Variants in ADPRHL1 observed in about 807,000 individuals in gnomAD.
ADPRHL1 encodes ADP-ribosylhydrolase like 1.
A neutral mutation model predicts 44.1 loss-of-function variants in ADPRHL1; 43 were observed. The observed-to-expected ratio is 0.98, with a 90% CI of 0.76 to 1.26. The LOEUF is 1.26. Ranked by LOEUF, ADPRHL1 falls within the 50% of genes most tolerant of loss-of-function variation. The pLI, the probability that ADPRHL1 is intolerant of heterozygous loss-of-function variation, is 0.00. For synonymous variants in ADPRHL1, 878 were observed against 1,017.4 expected (o/e 0.86, Z 2.61); for missense variants, 2,022 against 2,496.9 (o/e 0.81, Z 4.05).
Position 113,403,497 on chromosome 13 carries a change from C to T in ADPRHL1, c.5785G>A (p.Gly1929Arg), listed in dbSNP as rs1031507090. Residue 1929 changes from glycine to arginine, a missense_variant, in exon 8 of 8, where the codon GGG becomes AGG. Transcript: ENST00000612156. ...RMEASEPERRGRSRHLAKYKA... is the reference protein window; with the variant it reads ...RMEASEPERRRRSRHLAKYKA... The stretch of plus-strand genomic sequence containing the variant: ...TACTTGGCCAGGTGCCTGGACCTCC[C>T]GCGACGCTCGGGCTCCGATGCCTCC... 1.1e-4 allele frequency: 130 copies of T among 1,231,940 alleles called. No homozygotes were observed. Among genetic ancestry groups the T allele is most frequent in the Non-Finnish European group, 1.2e-4 (120 of 988,038 alleles). The allele number at this position is 1,231,940 out of a possible 1,614,324, so 76.3% of individuals were successfully genotyped here. A position where few individuals can be genotyped will look rare whatever the true frequency, so the allele number is the denominator to read the frequency against.
chr13:113,437,887 A>G (rs2139641544), intron 2 of ADPRHL1, among the ~76,000 whole-genome samples: 1 of 152,322 alleles, frequency 6.6e-6, no homozygotes, highest in Middle Eastern at 3.4e-3. Flanking sequence ...GCTGGAGTGC[A>G]GCAGCCTAAT....
chr13:113,410,695 C>T (rs960017879), intron 7 of ADPRHL1, among the ~76,000 whole-genome samples: 1 of 139,290 alleles, frequency 7.2e-6, no homozygotes, highest in Non-Finnish European at 1.5e-5. Flanking sequence ...CCAGAGGCCG[C>T]CCACACCCCC....
At chr13:113,446,269 G>A (rs1213677921) in intron 1 of ADPRHL1, among the ~76,000 whole-genome samples, 3 of 150,616 alleles carry the variant, frequency 2.0e-5, no homozygotes. Context: ...AGAGTGCACA[G>A]GGCCCAGTGG....
At chr13:113,448,900 G>C in intron 1 of ADPRHL1, 1 of 972,862 alleles carries the variant, frequency 1.0e-6, no homozygotes, top group East Asian at 1.1e-4. Flanking sequence ...TTCCCAGGGA[G>C]TGGGGGTAGG....
At chr13:113,440,743 C>G (rs114674543) in intron 2 of ADPRHL1, among the ~76,000 whole-genome samples, 6,472 of 152,254 alleles carry the variant, frequency 0.043, 267 homozygotes, top group East Asian at 0.17. Context: ...GTGTGAGCCA[C>G]TGCACCTGGT....
At chr13:113,410,108 C>T (rs190117063) in intron 7 of ADPRHL1, 39 of 985,352 alleles carry the variant, frequency 4.0e-5, no homozygotes, top group Non-Finnish European at 3.1e-5. Context: ...GCCGTGTTGC[C>T]GTGGGCACGC....
In ADPRHL1 at chr13:113,440,099, TTTTC is replaced by T. The variant is rs200747945; in HGVS notation, c.379+4322_379+4325del. On this transcript the variant is annotated intron_variant, in intron 2 of 7. Transcript: ENST00000612156. ...TTGATTTTCATGCTGATCTTCACTA[TTTTC>T]TTTCTTCTGCTTTCTTTTGGCTTAG... Among the ~76,000 whole-genome samples the T allele has an allele frequency of 8.8e-3, 1,335 of 152,368 alleles. 14 individuals are homozygous for T. Among genetic ancestry groups the T allele is most frequent in the African/African-American group, 0.03 (1,243 of 41,592 alleles).
intron 7 of ADPRHL1, among the ~76,000 whole-genome samples, chr13:113,412,738 T>C (rs58814085): frequency 0.019 from 2,019 of 106,306 alleles, 20 homozygotes; most frequent in Middle Eastern, 0.042. Flanking sequence ...CCGCCAACAG[T>C]GCCCCGCGGA....
chr13:113,421,194 CCCCT>C (rs2043917623), intron 7 of ADPRHL1, among the ~76,000 whole-genome samples: 1 of 137,184 alleles, frequency 7.3e-6, no homozygotes, highest in South Asian at 2.4e-4. Context: ...CCCTGGGACA[CCCCT>C]ACCCCCGGGA....
chr13:113,451,073 C>T (rs745963653), intron 1 of ADPRHL1, among the ~76,000 whole-genome samples: 16 of 152,190 alleles, frequency 1.1e-4, no homozygotes, highest in Admixed American at 7.9e-4. Flanking sequence ...CACAGCTAGA[C>T]CAAGGAGCCA....
At chr13:113,451,192 C>T (rs530359711) in intron 1 of ADPRHL1, among the ~76,000 whole-genome samples, 7 of 152,258 alleles carry the variant, frequency 4.6e-5, no homozygotes, top group Non-Finnish European at 8.8e-5. Flanking sequence ...TTTTCCTAGG[C>T]TATGATTATA....
intron 1 of ADPRHL1, among the ~76,000 whole-genome samples, chr13:113,448,641 T>C (rs1427126940): frequency 6.6e-6 from 1 of 150,648 alleles, no homozygotes; most frequent in Non-Finnish European, 1.5e-5. Context: ...CGGGAGAGGC[T>C]GAGAAGGTGC....
intron 7 of ADPRHL1, among the ~76,000 whole-genome samples, chr13:113,413,693 C>G (rs1052467963): frequency 6.6e-6 from 1 of 152,222 alleles, no homozygotes; most frequent in African/African-American, 2.4e-5. Context: ...AAAAGGCCCC[C>G]GGTCAGAGCT....
intron 7 of ADPRHL1, among the ~76,000 whole-genome samples, chr13:113,412,824 G>T (rs1184277426): frequency 2.0e-5 from 2 of 101,348 alleles, no homozygotes; most frequent in Non-Finnish European, 4.2e-5. Context: ...GCAGAACTCG[G>T]TTCACCCACC....
chr13:113,441,429 T>C lies in ADPRHL1; in HGVS notation c.379+2996A>G, dbSNP rs1395563816. Among the ~76,000 whole-genome samples the C allele has an allele frequency of 6.6e-6, 1 of 152,134 alleles. No individual in the cohort carries two copies. The highest frequency in any genetic ancestry group is 1.5e-5 in the Non-Finnish European group (1 of 68,042). On this transcript the variant is annotated intron_variant, in intron 2 of 7. Coordinates refer to ENST00000612156, the MANE Select transcript of ADPRHL1 (RefSeq NM_001394807.1). The surrounding 1 kb of genome is among the most constrained non-coding windows in gnomAD (Gnocchi z 6.0). The stretch of plus-strand genomic sequence containing the variant: ...GCTAACTCTTCTGTGATTTCAGCGG[T>C]GGCTTTTGGGTTCATGGTGTCCGTC...
chr13:113,450,926 C>T (rs913994956), intron 1 of ADPRHL1, among the ~76,000 whole-genome samples: 1 of 150,206 alleles, frequency 6.7e-6, no homozygotes, highest in Non-Finnish European at 1.5e-5. Flanking sequence ...GAGCAGTCTT[C>T]TCTAAACTCC....
rs774111280 is a variant in ADPRHL1, at chr13:113,401,502, A to G, written c.*1876T>C. 2 of 152,148 alleles carry G rather than the reference A, an allele frequency of 1.3e-5. No individual in the cohort carries two copies. The highest frequency in any genetic ancestry group is 6.6e-5 in the Admixed American group (1 of 15,262). The allele number at this position is 152,148 out of a possible 1,614,324, so 9.4% of individuals were successfully genotyped here. On this transcript the variant is annotated 3_prime_UTR_variant, in exon 8 of 8. Transcript: ENST00000612156. This position sits in a 1 kb window ranked among gnomAD's most constrained non-coding sequence, Gnocchi z 5.5. Reference sequence around the variant, plus strand: ...GCAGCTGGGCTGCCCCGGGACCCACACGCGCGAGGGGCACCCGGTGCTCAG... The same window carrying G: ...GCAGCTGGGCTGCCCCGGGACCCACGCGCGCGAGGGGCACCCGGTGCTCAG...
At position 113,403,246 on chromosome 13, in the gene ADPRHL1, G is replaced by T; in HGVS notation, c.*132C>A. On this transcript the variant is annotated 3_prime_UTR_variant, in exon 8 of 8. Coordinates refer to ENST00000612156, the MANE Select transcript of ADPRHL1 (RefSeq NM_001394807.1). The stretch of plus-strand genomic sequence containing the variant: ...TCCCAAGGTCAGCTTGTGAAGAAGG[G>T]AAAGAAAATTATGGAAACAGGCGTC... 1.2e-6 allele frequency: 1 copy of T among 823,170 alleles called. No homozygotes were observed. Among genetic ancestry groups the T allele is most frequent in the Non-Finnish European group, 1.6e-6 (1 of 615,264 alleles). 51.0% of individuals were successfully genotyped at this position (823,170 alleles called of 1,614,324 possible). A position where few individuals can be genotyped will look rare whatever the true frequency, so the allele number is the denominator to read the frequency against.
chr13:113,443,419 G>A (rs1233484535), intron 2 of ADPRHL1, among the ~76,000 whole-genome samples: 1 of 151,290 alleles, frequency 6.6e-6, no homozygotes, highest in Non-Finnish European at 1.5e-5. Flanking sequence ...ACCAGCCTGG[G>A]CAACATGGTG....
Sources: gnomAD v4.1 joint callset for allele counts (sites outside exome capture counted in the v4.1 genomes callset) on GRCh38, gnomAD v4.1.1 for gene constraint, Gnocchi (gnomAD v3.1) non-coding constraint, MANE v1.5 for transcripts, NCBI Gene and HGNC (gene_info 2026-07-23, HGNC 2026-07-21) for gene names.